Variants in RNF207 observed in about 807,000 individuals in gnomAD.
RNF207 encodes the protein ring finger protein 207, also known as OTTHUMG00000001089.
A neutral mutation model predicts 79.0 loss-of-function variants in RNF207; 72 were observed. The ratio of observed to expected loss-of-function variants is 0.91; its 90% CI spans 0.75 to 1.11. The LOEUF is 1.11. Among genes scored for constraint, RNF207 ranks in the 50% least tolerant of loss-of-function variants. RNF207 has a pLI of 0.00. For missense variants in RNF207, 936 were observed against 855.8 expected, an observed-to-expected ratio of 1.09 and a Z score of -1.17; for synonymous variants, 348 against 366.2, an observed-to-expected ratio of 0.95 and a Z score of 0.57.
At position 6,207,159 on chromosome 1, in the gene RNF207, G is replaced by A. The variant is rs573030608; in HGVS notation, c.192-220G>A. ...GAGCAGCTTCTGCTTTTGATACTAG[G>A]GGACCAACCCCACTGTCTGCAGGAG... On this transcript the variant is annotated intron_variant, in intron 2 of 17. Coordinates refer to ENST00000377939, the MANE Select transcript of RNF207 (RefSeq NM_207396.3). This position sits in a 1 kb window ranked among gnomAD's most constrained non-coding sequence, Gnocchi z 4.5. 3.3e-5 allele frequency among the ~76,000 whole-genome samples: 5 copies of A among 152,308 alleles called. No homozygotes were observed. The East Asian group carries it at 9.7e-4, about 29-fold the overall frequency.
intron 16 of RNF207, among the ~76,000 whole-genome samples, chr1:6,215,165 A>T (rs1051150633): frequency 5.9e-5 from 9 of 151,266 alleles, no homozygotes; most frequent in African/African-American, 2.2e-4. Context: ...AGTAGCTGGG[A>T]TTACAGGCAT....
At position 6,219,557 on chromosome 1, in the gene RNF207, A is replaced by G. The variant is rs892663899; in HGVS notation, c.*150A>G. ...GCCCAGGCTGGAGTGTAATGGTGCA[A>G]TCTCGGCTCACTGCAACCTCTGCCT... On this transcript the variant is annotated 3_prime_UTR_variant, in exon 18 of 18. Transcript: ENST00000377939. The G allele has an allele frequency of 1.0e-5, 5 of 492,150 alleles. No individual in the cohort carries two copies. Among genetic ancestry groups the G allele is most frequent in the African/African-American group, 7.9e-5 (4 of 50,858 alleles). 30.5% of individuals were successfully genotyped at this position (492,150 alleles called of 1,614,324 possible).
At chr1:6,213,665 A>G (rs982829700) in intron 16 of RNF207, among the ~76,000 whole-genome samples, 2 of 152,182 alleles carry the variant, frequency 1.3e-5, no homozygotes, top group Non-Finnish European at 2.9e-5. Context: ...TGGTCCCTCC[A>G]ACCCTCAGGA....
At chr1:6,208,336 TG>T (rs1448352298) in intron 3 of RNF207, 95 of 152,728 alleles carry the variant, frequency 6.2e-4, no homozygotes, top group African/African-American at 2.2e-3. Flanking sequence ...TTTTTTTTTT[TG>T]AGACGGATTC....
At chr1:6,212,512 C>T (rs1668218167) in intron 14 of RNF207, 96 bp downstream of exon 14, 1 of 1,296,624 alleles carries the variant, frequency 7.7e-7, no homozygotes. Flanking sequence ...CTGGCCTGTA[C>T]CCCACGGGAC....
chr1:6,212,335 C>G lies in RNF207; in HGVS notation c.1401C>G (p.Val467=). Residue 467 remains valine, a synonymous_variant, in exon 14 of 18, where the codon GTC becomes GTG. Transcript: ENST00000377939. ...TCAAGGCGGAGATCATGGGAGACGT[C>G]CTGCACAAGTCCCTGCAACTGGACG... ...SLIKAEIMGD[V]LHKSLQLDVQ... 1 of 1,613,958 alleles carries G rather than the reference C, an allele frequency of 6.2e-7. No homozygotes were observed.
rs374244325 is a variant in RNF207, at chr1:6,207,554, G to T, written c.324+43G>T. 2 of 1,563,484 alleles carry T rather than the reference G, an allele frequency of 1.3e-6. No individual in the cohort carries two copies. Among genetic ancestry groups the T allele is most frequent in the Non-Finnish European group, 1.7e-6 (2 of 1,157,090 alleles). On this transcript the variant is annotated intron_variant, in intron 3 of 17. Coordinates refer to ENST00000377939, the MANE Select transcript of RNF207 (RefSeq NM_207396.3). The surrounding 1 kb of genome is among the most constrained non-coding windows in gnomAD (Gnocchi z 4.5). ...GGTGGGTGAGGAGCAGAGGGTACCC[G>T]GTTGCACAGTCCCCAATGCTTGCAC... is the stretch of plus-strand genomic sequence containing the variant.
rs1305779887 is a variant in RNF207 at position 6,217,314 on chromosome 1, G to A, written c.1653-975G>A. On this transcript the variant is annotated intron_variant, in intron 16 of 17. Transcript: ENST00000377939. The surrounding 1 kb of genome is among the most constrained non-coding windows in gnomAD (Gnocchi z 4.2). ...TGTTTTTCCCCAGGGCTCAGCCTTA[G>A]GCATTCTCCACAGCCTACGCTCACT... Among the ~76,000 whole-genome samples the A allele has an allele frequency of 6.6e-6, 1 of 152,106 alleles. No homozygotes were observed. Among genetic ancestry groups the A allele is most frequent in the Non-Finnish European group, 1.5e-5 (1 of 68,020 alleles).
Position 6,212,414 on chromosome 1 carries a change from G to C in RNF207, c.1480G>C (p.Glu494Gln), listed in dbSNP as rs763849022. The C allele has an allele frequency of 6.2e-7, 1 of 1,606,628 alleles. No individual in the cohort carries two copies. The highest frequency in any genetic ancestry group is 8.5e-7 in the Non-Finnish European group (1 of 1,176,548). ...SLEGMRVVFQ[E>Q]IWEEAYQRVA... ...AGAGGGCATGAGGGTCGTCTTCCAGGAGGTAGCCCTCCCAAGGACTCTAAC... is the reference window on the plus strand; with the variant it reads ...AGAGGGCATGAGGGTCGTCTTCCAGCAGGTAGCCCTCCCAAGGACTCTAAC... The change falls in exon 14 of 18, where the codon GAG becomes CAG. Residue 494 changes from glutamate to glutamine, a missense_variant and splice_region_variant. Glu to Gln is a conservative substitution (Grantham distance 29). Coordinates refer to ENST00000377939, the MANE Select transcript of RNF207 (RefSeq NM_207396.3).
chr1:6,210,632 G>C, intron 10 of RNF207, 194 bp downstream of exon 10: 1 of 628,780 alleles, frequency 1.6e-6, no homozygotes, highest in Non-Finnish European at 2.8e-6. Flanking sequence ...GCCAGGAAGG[G>C]GGCATGAGCC....
chr1:6,218,577 TAGAC>T (rs1356175292), intron 17 of RNF207, among the ~76,000 whole-genome samples: 6 of 152,208 alleles, frequency 3.9e-5, no homozygotes, highest in Non-Finnish European at 8.8e-5. Flanking sequence ...GTTCCTTTGA[TAGAC>T]AGAACCCCAT....
chr1:6,212,883 G>A, intron 15 of RNF207, 150 bp downstream of exon 15: 1 of 803,636 alleles, frequency 1.2e-6, no homozygotes, highest in Non-Finnish European at 2.1e-6. Flanking sequence ...CTGCTAACTG[G>A]CCTCAAATGA....
intron 10 of RNF207, 106 bp from the exon 11 acceptor site, chr1:6,210,764 C>T (rs903853322): frequency 3.0e-6 from 3 of 1,008,396 alleles, no homozygotes; most frequent in Non-Finnish European, 4.5e-6. Context: ...TGCTAAGGGA[C>T]ACCAAGTCAA....
Position 6,209,482 on chromosome 1 carries a change from G to GC in RNF207, c.697dup (p.Arg233ProfsTer76). ...TGCTGCAGGCCATGGTGGAGGAGGT[G>GC]CGGCACAGCGCCGCCGAGGAGGAGG... On this transcript the variant is annotated frameshift_variant, in exon 7 of 18. Transcript: ENST00000377939. LOFTEE classifies it high-confidence loss of function. 6.7e-7 allele frequency: 1 copy of GC among 1,485,328 alleles called. No individual in the cohort carries two copies. 92.0% of individuals were successfully genotyped at this position (1,485,328 alleles called of 1,614,324 possible).
intron 3 of RNF207, 72 bp from the exon 4 acceptor site, chr1:6,208,809 A>G: frequency 7.0e-7 from 1 of 1,437,286 alleles, no homozygotes; most frequent in Non-Finnish European, 9.2e-7. Context: ...GCGCAGTGAC[A>G]CGCGGCGGCT....
chr1:6,214,630 C>CTTTTTTTTTTTTTTTTTTTTTTT lies in RNF207; in HGVS notation c.1652+1448_1652+1470dup, dbSNP rs144139448. Among the ~76,000 whole-genome samples the CTTTTTTTTTTTTTTTTTTTTTTT allele has an allele frequency of 1.4e-4, 10 of 70,628 alleles. 1 individual carries two copies. Among genetic ancestry groups the CTTTTTTTTTTTTTTTTTTTTTTT allele is most frequent in the African/African-American group, 2.1e-4 (3 of 14,620 alleles). The allele number at this position is 70,628 out of a possible 152,430, so 46.3% of individuals were successfully genotyped here. On this transcript the variant is annotated intron_variant, in intron 16 of 17. Transcript: ENST00000377939. ...GTTGGCCAGGCTGGAATATTTCTTT[C>CTTTTTTTTTTTTTTTTTTTTTTT]TTTTTTTTTTTTTTTTTTTTTTTGA...
At position 6,209,026 on chromosome 1, in the gene RNF207, G is replaced by GT. The variant is rs532749368; in HGVS notation, c.469+2dup. 900 of 1,504,664 alleles carry GT rather than the reference G, an allele frequency of 6.0e-4. 16 individuals carry two copies. In the South Asian group the frequency reaches 0.01, roughly 17 times the overall value. 93.2% of individuals were successfully genotyped at this position (1,504,664 alleles called of 1,614,324 possible). On this transcript the variant is annotated splice_donor_variant, in intron 4 of 17. Coordinates refer to ENST00000377939, the MANE Select transcript of RNF207 (RefSeq NM_207396.3). LOFTEE classifies it high-confidence loss of function. ...AGCCGCGACGTGCCCCAGAAGTGCA[G>GT]TGAGTGAGGCTTGCGGGGCCGGGGA...
Position 6,212,253 on chromosome 1 carries a change from G to T in RNF207, c.1319G>T (p.Ser440Ile). 6.2e-7 allele frequency: 1 copy of T among 1,613,426 alleles called. No homozygotes were observed. Among genetic ancestry groups the T allele is most frequent in the Non-Finnish European group, 8.5e-7 (1 of 1,179,752 alleles). ...CAGCACCTGCAGGCAGAGATGCAGA[G>T]CCTAAAGGACCAGGTACAGGAGCTG... ...SYRHLQAEMQ[S>I]LKDQVQELHR... is the part of the protein sequence containing the mutation. Residue 440 changes from serine to isoleucine, a missense_variant, in exon 14 of 18, where the codon AGC becomes ATC. Coordinates refer to ENST00000377939, the MANE Select transcript of RNF207 (RefSeq NM_207396.3).
Position 6,206,637 on chromosome 1 carries a change from C to T in RNF207, c.102C>T (p.Arg34=). 6.2e-7 allele frequency: 1 copy of T among 1,608,192 alleles called. No individual in the cohort carries two copies. Among genetic ancestry groups the T allele is most frequent in the Non-Finnish European group, 8.5e-7 (1 of 1,179,850 alleles). The change falls in exon 2 of 18, where the codon CGC becomes CGT. Residue 34 remains arginine, a synonymous_variant. Transcript: ENST00000377939. ...VCPLCHVQYE[R]PCLLDCFHDF... Reference sequence around the variant, plus strand: ...CGCTGTGCCACGTGCAGTACGAGCGCCCGTGTCTTCTGGACTGTTTCCACG... The same window carrying T: ...CGCTGTGCCACGTGCAGTACGAGCGTCCGTGTCTTCTGGACTGTTTCCACG...
Sources: gnomAD v4.1 joint callset for allele counts (sites outside exome capture counted in the v4.1 genomes callset) on GRCh38, gnomAD v4.1.1 for gene constraint, Gnocchi (gnomAD v3.1) non-coding constraint, MANE v1.5 for transcripts, NCBI Gene and HGNC (gene_info 2026-07-23, HGNC 2026-07-21) for gene names.